USP12: variants seen among roughly 807,000 people sequenced by gnomAD.
USP12 encodes ubiquitin carboxyl-terminal hydrolase 12.
In USP12, 19 loss-of-function variants were observed where a neutral mutation model predicts 45.5. The ratio of observed to expected loss-of-function variants is 0.42; its 90% CI spans 0.29 to 0.61. The LOEUF (loss-of-function observed/expected upper bound fraction) is 0.61, where lower values mean the gene tolerates loss of function less well. Among genes scored for constraint, USP12 ranks in the 20% least tolerant of loss-of-function variants. The pLI, the probability that USP12 is intolerant of heterozygous loss-of-function variation, is 0.22. For synonymous variants in USP12, 149 were observed against 148.8 expected, an observed-to-expected ratio of 1.00 and a Z score of -0.01; for missense variants, 242 against 447.7, an observed-to-expected ratio of 0.54 and a Z score of 4.15.
At chr13:27,166,352 CAAT>C (rs1256450307) in intron 1 of USP12, among the ~76,000 whole-genome samples, 1 of 151,962 alleles carries the variant, frequency 6.6e-6, no homozygotes, top group East Asian at 1.9e-4. Context: ...CTTCCTGAGA[CAAT>C]AAAAGTTTCA....
chr13:27,164,259 A>G (rs1878251157), intron 1 of USP12, among the ~76,000 whole-genome samples: 2 of 152,226 alleles, frequency 1.3e-5, no homozygotes, highest in Non-Finnish European at 2.9e-5. Context: ...CCCATGAAGC[A>G]TTTCAGTTAA....
intron 7 of USP12, 44 bp downstream of exon 7, chr13:27,075,147 C>T (rs1873418855): frequency 6.3e-7 from 1 of 1,599,580 alleles, no homozygotes; most frequent in African/African-American, 1.3e-5. Context: ...CCCTGCTCTT[C>T]TAACCTAGGA....
rs539536500 is a variant in USP12 at position 27,128,528 on chromosome 13, A to G, written c.49-11932T>C. ...GAACTCCGTAACTGGCACCTTACCTAAGGCAAAAAGGGTGGGCAAGATGTG... is the reference window on the plus strand; with the variant it reads ...GAACTCCGTAACTGGCACCTTACCTGAGGCAAAAAGGGTGGGCAAGATGTG... On this transcript the variant is annotated intron_variant, in intron 1 of 8. Coordinates refer to ENST00000282344, the MANE Select transcript of USP12 (RefSeq NM_182488.4). Among the ~76,000 whole-genome samples the G allele has an allele frequency of 1.9e-4, 29 of 152,330 alleles. 1 individual carries two copies. In the South Asian group the frequency reaches 3.7e-3, roughly 20 times the overall value.
intron 3 of USP12, among the ~76,000 whole-genome samples, chr13:27,103,266 A>T (rs1408704062): frequency 6.6e-6 from 1 of 152,216 alleles, no homozygotes; most frequent in Admixed American, 6.5e-5. Flanking sequence ...AGAAGGAAAG[A>T]TATGCAATGA....
intron 1 of USP12, among the ~76,000 whole-genome samples, chr13:27,125,521 A>C (rs1876187203): frequency 6.6e-6 from 1 of 152,188 alleles, no homozygotes; most frequent in African/African-American, 2.4e-5. Context: ...GCTCCGGTCT[A>C]CAGCTCCCTG....
Position 27,129,670 on chromosome 13 carries a change from G to C in USP12, c.49-13074C>G, listed in dbSNP as rs1876402697. ...GCAGTGAACTATGACCTGGGCGACA[G>C]AGTGAGACCCTATCTCTTAATAATA... On this transcript the variant is annotated intron_variant, in intron 1 of 8. Transcript: ENST00000282344. The surrounding 1 kb of genome is among the most constrained non-coding windows in gnomAD (Gnocchi z 4.0). Among the ~76,000 whole-genome samples, 1 of 152,156 alleles carries C rather than the reference G, an allele frequency of 6.6e-6. No homozygotes were observed. Among genetic ancestry groups the C allele is most frequent in the African/African-American group, 2.4e-5 (1 of 41,434 alleles).
At chr13:27,171,546 C>T (rs1357930225) in intron 1 of USP12, 46 bp downstream of exon 1, 10 of 1,165,724 alleles carry the variant, frequency 8.6e-6, no homozygotes, top group Non-Finnish European at 9.8e-6. Flanking sequence ...CGCCCGCCCG[C>T]CCGAGAGGTC....
intron 1 of USP12, among the ~76,000 whole-genome samples, chr13:27,119,795 G>A (rs2137800276): frequency 6.6e-6 from 1 of 152,342 alleles, no homozygotes; most frequent in African/African-American, 2.4e-5. Flanking sequence ...GAAATGAGAA[G>A]TACAAAGAAA....
At chr13:27,168,428 C>T (rs913298172) in intron 1 of USP12, among the ~76,000 whole-genome samples, 4 of 152,166 alleles carry the variant, frequency 2.6e-5, no homozygotes, top group Admixed American at 6.5e-5. Context: ...ATGCCCATGA[C>T]GGACCACCCG....
intron 2 of USP12, among the ~76,000 whole-genome samples, chr13:27,106,311 G>C (rs1037046770): frequency 3.2e-4 from 46 of 144,890 alleles, no homozygotes; most frequent in Admixed American, 2.2e-3. Context: ...CCTTAACTAT[G>C]AATTTCTCTC....
intron 6 of USP12, among the ~76,000 whole-genome samples, chr13:27,078,923 T>C (rs934400202): frequency 6.6e-6 from 1 of 151,836 alleles, no homozygotes; most frequent in Admixed American, 6.6e-5. Context: ...AACCGAAACA[T>C]TCACTAATGT....
At chr13:27,161,040 T>C (rs1374093533) in intron 1 of USP12, among the ~76,000 whole-genome samples, 1 of 152,110 alleles carries the variant, frequency 6.6e-6, no homozygotes, top group East Asian at 1.9e-4. Flanking sequence ...CTAAACATTA[T>C]ATCCCGTTTT....
At chr13:27,077,737 A>G (rs917883511) in intron 6 of USP12, 1 of 152,134 alleles carries the variant, frequency 6.6e-6, no homozygotes, top group Non-Finnish European at 1.5e-5. Flanking sequence ...GGAGTCTGAA[A>G]CTCATTATGT....
chr13:27,077,206 A>G (rs1873529473), intron 6 of USP12: 1 of 152,220 alleles, frequency 6.6e-6, no homozygotes, highest in Non-Finnish European at 1.5e-5. Context: ...AATATAATTC[A>G]ACTATGAAAC....
At chr13:27,134,437 G>A (rs1451436240) in intron 1 of USP12, among the ~76,000 whole-genome samples, 1 of 152,126 alleles carries the variant, frequency 6.6e-6, no homozygotes, top group Non-Finnish European at 1.5e-5. Context: ...ATTTCAATGA[G>A]TTTCAAGGTA....
chr13:27,105,446 A>G (rs931881078), intron 3 of USP12, among the ~76,000 whole-genome samples: 6 of 152,256 alleles, frequency 3.9e-5, no homozygotes, highest in African/African-American at 7.2e-5. Context: ...CTTGACAGAA[A>G]AGCCAAGCAA....
intron 1 of USP12, among the ~76,000 whole-genome samples, chr13:27,144,750 T>G (rs1157033599): frequency 6.8e-6 from 1 of 147,936 alleles, no homozygotes; most frequent in African/African-American, 2.5e-5. Flanking sequence ...TTTTGTTGTT[T>G]TTTTTTTTTC....
intron 6 of USP12, among the ~76,000 whole-genome samples, chr13:27,078,854 A>G (rs1873614645): frequency 6.6e-6 from 1 of 152,156 alleles, no homozygotes; most frequent in Admixed American, 6.5e-5. Flanking sequence ...CTATGGACTT[A>G]ATTGACATTT....
At chr13:27,082,959 C>T (rs1873832781) in intron 6 of USP12, among the ~76,000 whole-genome samples, 2 of 152,216 alleles carry the variant, frequency 1.3e-5, no homozygotes, top group South Asian at 4.1e-4. Context: ...CCTCAGCCTC[C>T]CGAGTTGCTG....
Sources: allele counts gnomAD v4.1 joint callset (sites outside exome capture counted in the v4.1 genomes callset), GRCh38; gene constraint gnomAD v4.1.1; non-coding constraint Gnocchi (gnomAD v3.1); transcripts MANE v1.5; gene names NCBI Gene and HGNC (gene_info 2026-07-23, HGNC 2026-07-21).